The following GAN variants were observed in gnomAD, a reference collection of about 807,000 sequenced individuals.
GAN encodes the protein gigaxonin.
Under a neutral mutation model 71.3 loss-of-function variants are expected in GAN, and 48 were observed. That is an observed-to-expected ratio of 0.67 (90% CI 0.53 to 0.86). The LOEUF is 0.86. Among genes scored for constraint, GAN ranks in the 40% least tolerant of loss-of-function variants. The probability of loss-of-function intolerance (pLI) is 0.00; values close to 1 mark genes in which losing one functional copy is unlikely to be tolerated. For missense variants in GAN, 928 were observed against 770.1 expected (o/e 1.21, Z -2.43); for synonymous variants, 386 against 276.8 (o/e 1.39, Z -3.92).
rs1309161076 is a variant in GAN at position 81,387,261 on chromosome 16, T to A, written c.*9665T>A. 1.3e-5 allele frequency: 2 copies of A among 152,144 alleles called. No individual in the cohort carries two copies. Among genetic ancestry groups the A allele is most frequent in the Non-Finnish European group, 2.9e-5 (2 of 68,028 alleles). The allele number at this position is 152,144 out of a possible 1,614,324, so 9.4% of individuals were successfully genotyped here. On this transcript the variant is annotated 3_prime_UTR_variant, in exon 11 of 11. Transcript: ENST00000648994. ...TATATGAAATTTCAGAAAAAAGTTT[T>A]GTTGCGGGGGGTGGGATATTGATCA...
At chr16:81,324,395 G>A (rs993153344) in intron 1 of GAN, among the ~76,000 whole-genome samples, 3 of 152,106 alleles carry the variant, frequency 2.0e-5, no homozygotes, top group Non-Finnish European at 4.4e-5. Context: ...TCCCTGCTCC[G>A]AGGTGGTGCC....
At chr16:81,327,515 A>G (rs913282842) in intron 1 of GAN, among the ~76,000 whole-genome samples, 11 of 152,220 alleles carry the variant, frequency 7.2e-5, no homozygotes, top group Non-Finnish European at 1.6e-4. Flanking sequence ...TTCGGTTTGA[A>G]CTACACAAAA....
At chr16:81,316,516 T>TG (rs941972163) in intron 1 of GAN, among the ~76,000 whole-genome samples, 3 of 151,844 alleles carry the variant, frequency 2.0e-5, no homozygotes, top group Non-Finnish European at 2.9e-5. Flanking sequence ...CAGTAGGGTC[T>TG]GGGGTAGCAT....
At chr16:81,332,030 G>A (rs369603328) in intron 1 of GAN, among the ~76,000 whole-genome samples, 17 of 152,174 alleles carry the variant, frequency 1.1e-4, no homozygotes, top group East Asian at 3.9e-4. Flanking sequence ...GCATGGTGGC[G>A]CATGCCTGTG....
In GAN at chr16:81,315,286, G is replaced by A. The variant is rs752393924; in HGVS notation, c.167+6G>A. The A allele has an allele frequency of 6.5e-7, 1 of 1,547,080 alleles. No individual in the cohort carries two copies. On this transcript the variant is annotated splice_donor_region_variant and intron_variant, in intron 1 of 10. Transcript: ENST00000648994. ...GCGGCCAGCCCGTACATCAGGTGGG[G>A]AGGGGGCTACGGCGGGCGGGCGCGG...
intron 1 of GAN, among the ~76,000 whole-genome samples, chr16:81,343,538 G>T (rs1259893789): frequency 1.3e-5 from 2 of 152,184 alleles, no homozygotes; most frequent in African/African-American, 4.8e-5. Flanking sequence ...CTCAACAGAT[G>T]TAGAAAAGGC....
chr16:81,353,557 G>A (rs146101406), intron 2 of GAN, among the ~76,000 whole-genome samples: 1 of 152,176 alleles, frequency 6.6e-6, no homozygotes, highest in East Asian at 1.9e-4. Context: ...AAAATCTGTG[G>A]TACAAAAAGT....
At chr16:81,364,546 G>A (rs1910785930) in intron 7 of GAN, among the ~76,000 whole-genome samples, 1 of 152,136 alleles carries the variant, frequency 6.6e-6, no homozygotes, top group Non-Finnish European at 1.5e-5. Context: ...AAAGTTAGCC[G>A]GGCACAGTGC....
intron 1 of GAN, among the ~76,000 whole-genome samples, chr16:81,331,718 C>T (rs1192196809): frequency 6.6e-6 from 1 of 152,126 alleles, no homozygotes; most frequent in Admixed American, 6.5e-5. Context: ...TCTCTCATTT[C>T]TTTGTTGAAG....
At chr16:81,341,600 A>G (rs1597395833) in intron 1 of GAN, among the ~76,000 whole-genome samples, 1 of 152,328 alleles carries the variant, frequency 6.6e-6, no homozygotes, top group Non-Finnish European at 1.5e-5. Flanking sequence ...TTTTGTCACC[A>G]CCAGGCCTGC....
At chr16:81,338,072 C>G (rs918769677) in intron 1 of GAN, among the ~76,000 whole-genome samples, 1 of 152,104 alleles carries the variant, frequency 6.6e-6, no homozygotes, top group South Asian at 2.1e-4. Context: ...GATCAGCAGA[C>G]GGGGCAGAGA....
intron 1 of GAN, among the ~76,000 whole-genome samples, chr16:81,332,733 T>C (rs139522775): frequency 6.6e-6 from 1 of 152,234 alleles, no homozygotes; most frequent in Non-Finnish European, 1.5e-5. Flanking sequence ...ACAGCTCTTC[T>C]GGTGAGTACT....
At chr16:81,348,983 T>A (rs192631181) in intron 1 of GAN, among the ~76,000 whole-genome samples, 1 of 152,260 alleles carries the variant, frequency 6.6e-6, no homozygotes, top group East Asian at 1.9e-4. Context: ...ACACCTACCC[T>A]CAAATGTGCC....
intron 9 of GAN, chr16:81,372,008 C>G (rs950041839): frequency 1.3e-5 from 2 of 152,260 alleles, no homozygotes; most frequent in Admixed American, 6.5e-5. Flanking sequence ...CTACAGCTCT[C>G]TTTTTCTTTC....
chr16:81,352,445 T>C (rs1910330508), intron 2 of GAN, among the ~76,000 whole-genome samples: 4 of 152,230 alleles, frequency 2.6e-5, no homozygotes, highest in Admixed American at 2.0e-4. Flanking sequence ...TTTTTTGTTT[T>C]GTTTTTTTAA....
Position 81,383,566 on chromosome 16 carries a change from T to A in GAN, c.*5970T>A, listed in dbSNP as rs183781829. 6.6e-6 allele frequency: 1 copy of A among 151,716 alleles called. No homozygotes were observed. Among genetic ancestry groups the A allele is most frequent in the Non-Finnish European group, 1.5e-5 (1 of 67,930 alleles). 9.4% of individuals were successfully genotyped at this position (151,716 alleles called of 1,614,324 possible). A position where few individuals can be genotyped will look rare whatever the true frequency, so the allele number is the denominator to read the frequency against. ...CTCGCCTGCCCTCTTTTTTTTTTTT[T>A]ATTTTGAGATTAAAACTAATTCTTT... is the stretch of plus-strand genomic sequence containing the variant. On this transcript the variant is annotated 3_prime_UTR_variant, in exon 11 of 11. Transcript: ENST00000648994.
chr16:81,354,193 A>G (rs1337859065), intron 2 of GAN, among the ~76,000 whole-genome samples: 4 of 152,162 alleles, frequency 2.6e-5, no homozygotes, highest in African/African-American at 7.2e-5. Context: ...GAGCTGGGAA[A>G]AGTTAACCAA....
At chr16:81,344,270 C>T (rs1009602555) in intron 1 of GAN, among the ~76,000 whole-genome samples, 4 of 152,180 alleles carry the variant, frequency 2.6e-5, no homozygotes, top group Non-Finnish European at 5.9e-5. Flanking sequence ...CTTTAAACTT[C>T]ATATGGAAGC....
chr16:81,329,978 C>G (rs1192373536), intron 1 of GAN, among the ~76,000 whole-genome samples: 1 of 152,222 alleles, frequency 6.6e-6, no homozygotes, highest in Non-Finnish European at 1.5e-5. Flanking sequence ...AGTATACTAC[C>G]AGACTCCCCA....
Sources: allele counts gnomAD v4.1 joint callset (sites outside exome capture counted in the v4.1 genomes callset), GRCh38; gene constraint gnomAD v4.1.1; transcripts MANE v1.5; gene names NCBI Gene and HGNC (gene_info 2026-07-23, HGNC 2026-07-21).